Variants in COL3A1 observed in about 807,000 individuals in gnomAD.
COL3A1 encodes the protein collagen alpha-1(III) chain.
COL3A1 carries 46 observed loss-of-function variants against 200.9 expected under a neutral mutation model. That is an observed-to-expected ratio of 0.23 (90% CI 0.18 to 0.29). The LOEUF (loss-of-function observed/expected upper bound fraction) is 0.29. Ranked by LOEUF, COL3A1 falls within the 10% of genes least tolerant of loss-of-function variation. The pLI is 1.00. For missense variants in COL3A1, 1,367 were observed against 1,917.6 expected (o/e 0.71, Z 5.36); for synonymous variants, 650 against 628.0 (o/e 1.03, Z -0.52).
Position 189,011,657 on chromosome 2 carries a change from C to A in COL3A1, c.4284C>A (p.Val1428=), listed in dbSNP as rs746436515. 1.9e-6 allele frequency: 3 copies of A among 1,613,878 alleles called. No homozygotes were observed. Among genetic ancestry groups the A allele is most frequent in the Non-Finnish European group, 2.5e-6 (3 of 1,179,914 alleles). The part of the protein sequence containing the change: ...TKHTGEWSKT[V]FEYRTRKAVR... ...ACACTGGGGAATGGAGCAAAACAGT[C>A]TTTGAATATCGAACACGCAAGGCTG... The change falls in exon 51 of 51, where the codon GTC becomes GTA. Residue 1428 remains valine (V), a synonymous_variant. Coordinates refer to ENST00000304636, the MANE Select transcript of COL3A1 (RefSeq NM_000090.4).
chr2:188,987,250 T>A, intron 5 of COL3A1, 111 bp downstream of exon 5: 1 of 872,046 alleles, frequency 1.1e-6, no homozygotes, highest in East Asian at 2.6e-5. Flanking sequence ...TTGTACAAAA[T>A]AGCTTACCCC....
chr2:188,999,227 G>A (rs1213947713), intron 29 of COL3A1, 58 bp from the exon 30 acceptor site: 8 of 1,456,976 alleles, frequency 5.5e-6, no homozygotes, highest in Non-Finnish European at 6.6e-6. Flanking sequence ...GCAAGTTAAG[G>A]TGCTTTGTTT....
At chr2:189,011,329 A>G (rs1462162300) in intron 50 of COL3A1, among the ~76,000 whole-genome samples, 2 of 152,228 alleles carry the variant, frequency 1.3e-5, no homozygotes, top group Non-Finnish European at 2.9e-5. Flanking sequence ...TCCTCTTTTT[A>G]ATAAACCATT....
chr2:189,005,230 T>C, intron 40 of COL3A1, 120 bp from the exon 41 acceptor site: 2 of 964,926 alleles, frequency 2.1e-6, no homozygotes, highest in Middle Eastern at 2.9e-4. Context: ...GTTTTAATTT[T>C]AAAATTCAAT....
intron 10 of COL3A1, 58 bp from the exon 11 acceptor site, chr2:188,990,946 A>C (rs1331038537): frequency 3.3e-6 from 5 of 1,536,044 alleles, no homozygotes; most frequent in African/African-American, 2.7e-5. Flanking sequence ...AAACTTTATC[A>C]ATCATTCTAG....
rs141587182 is a variant in COL3A1 at position 189,008,972 on chromosome 2, G to A, written c.3574G>A (p.Ala1192Thr). The change falls in exon 48 of 51, where the codon GCC (alanine) becomes ACC (threonine). Residue 1192 changes from alanine (A) to threonine (T), a missense_variant. Physicochemically the swap from Ala to Thr is moderately conservative, Grantham distance 58. Transcript: ENST00000304636. ...GQPGPPGPPG[A>T]PGPCCGGVGA... ...ACCAGGCCCTCCTGGACCTCCTGGTGCCCCTGGTCCTTGCTGTGGTGGTGT... is the reference window on the plus strand; with the variant it reads ...ACCAGGCCCTCCTGGACCTCCTGGTACCCCTGGTCCTTGCTGTGGTGGTGT... 9.9e-6 allele frequency: 16 copies of A among 1,614,028 alleles called. No homozygotes were observed. Among genetic ancestry groups the A allele is most frequent in the African/African-American group, 8.0e-5 (6 of 74,930 alleles).
In COL3A1 at chr2:188,994,136, T is replaced by C. The variant is rs898866178; in HGVS notation, c.1194+54T>C. On this transcript the variant is annotated intron_variant, in intron 17 of 50. Coordinates refer to ENST00000304636, the MANE Select transcript of COL3A1 (RefSeq NM_000090.4). This position sits in a 1 kb window ranked among gnomAD's most constrained non-coding sequence, Gnocchi z 4.5. The stretch of plus-strand genomic sequence containing the variant: ...CTCATCCACACATTACTGGCTTCTT[T>C]TGCATTTTGCATGACAATAGATTTG... 7 of 1,612,258 alleles carry C rather than the reference T, an allele frequency of 4.3e-6. No individual in the cohort carries two copies. In the South Asian group the frequency reaches 7.7e-5, roughly 18 times the overall value.
intron 13 of COL3A1, 102 bp from the exon 14 acceptor site, chr2:188,992,082 G>T: frequency 9.1e-7 from 1 of 1,095,782 alleles, no homozygotes. Context: ...TAATGTACTT[G>T]AAGAAAACTC....
intron 29 of COL3A1, 40 bp downstream of exon 29, chr2:188,998,758 A>G (rs370634284): frequency 3.8e-6 from 6 of 1,575,080 alleles, no homozygotes; most frequent in East Asian, 2.2e-5. Context: ...TCAGCAGGTT[A>G]TAGAGCAATT....
At chr2:188,996,324 A>G in intron 23 of COL3A1, 74 bp from the exon 24 acceptor site, 4 of 1,139,888 alleles carry the variant, frequency 3.5e-6, no homozygotes, top group Non-Finnish European at 5.2e-6. Context: ...ACACACACAC[A>G]CACATACTAT....
chr2:189,003,931 A>C lies in COL3A1; in HGVS notation c.2662-51A>C. 3.8e-6 allele frequency: 6 copies of C among 1,567,560 alleles called. No individual in the cohort carries two copies. The South Asian group carries it at 5.9e-5, about 15-fold the overall frequency. Reference sequence around the variant, plus strand: ...TTTGAAGTAAGTAAAAAAAGAAAGAAAAAATGCACTTTTTATTATAAATAT... The same window carrying C: ...TTTGAAGTAAGTAAAAAAAGAAAGACAAAATGCACTTTTTATTATAAATAT... On this transcript the variant is annotated intron_variant, in intron 38 of 50. Coordinates refer to ENST00000304636, the MANE Select transcript of COL3A1 (RefSeq NM_000090.4).
intron 23 of COL3A1, 89 bp from the exon 24 acceptor site, chr2:188,996,303 TATACAC>T (rs1688315031): frequency 6.6e-5 from 51 of 775,684 alleles, no homozygotes; most frequent in East Asian, 6.1e-4. Flanking sequence ...TATCTATATA[TATACAC>T]ACACACACAC....
chr2:188,979,442 C>A lies in COL3A1; in HGVS notation c.79+4874C>A, dbSNP rs1172790423. On this transcript the variant is annotated intron_variant, in intron 1 of 50. Transcript: ENST00000304636. ...ATATTTTTGCATTGGATGCAGAAGTCTTTTCTGTCTGGTACTATTGTTGTT... is the reference window on the plus strand; with the variant it reads ...ATATTTTTGCATTGGATGCAGAAGTATTTTCTGTCTGGTACTATTGTTGTT... Among the ~76,000 whole-genome samples, 3 of 151,864 alleles carry A rather than the reference C, an allele frequency of 2.0e-5. No individual in the cohort carries two copies. In the South Asian group the frequency reaches 6.2e-4, roughly 31 times the overall value.
At chr2:188,976,360 G>A (rs1687815379) in intron 1 of COL3A1, among the ~76,000 whole-genome samples, 1 of 151,926 alleles carries the variant, frequency 6.6e-6, no homozygotes, top group African/African-American at 2.4e-5. Flanking sequence ...CTCTTTAGAT[G>A]CAAAAAATAA....
intron 39 of COL3A1, 55 bp downstream of exon 39, chr2:189,004,198 T>C: frequency 6.2e-7 from 1 of 1,608,492 alleles, no homozygotes; most frequent in Non-Finnish European, 8.5e-7. Context: ...TTATCACAAA[T>C]CGATTAGAGA....
chr2:188,996,347 C>G, intron 23 of COL3A1, 51 bp from the exon 24 acceptor site: 1 of 1,404,228 alleles, frequency 7.1e-7, no homozygotes, highest in Non-Finnish European at 1.0e-6. Flanking sequence ...ATATAGCATG[C>G]TTTAATCTTC....
chr2:188,994,129 G>A lies in COL3A1; in HGVS notation c.1194+47G>A, dbSNP rs567413593. 2 of 1,612,470 alleles carry A rather than the reference G, an allele frequency of 1.2e-6. No individual in the cohort carries two copies. Among genetic ancestry groups the A allele is most frequent in the African/African-American group, 1.3e-5 (1 of 74,974 alleles). ...GCCTTATCTCATCCACACATTACTG[G>A]CTTCTTTTGCATTTTGCATGACAAT... On this transcript the variant is annotated intron_variant, in intron 17 of 50. Coordinates refer to ENST00000304636, the MANE Select transcript of COL3A1 (RefSeq NM_000090.4). This position sits in a 1 kb window ranked among gnomAD's most constrained non-coding sequence, Gnocchi z 4.5.
At chr2:189,004,417 G>C in intron 40 of COL3A1, 53 bp downstream of exon 40, 1 of 1,487,996 alleles carries the variant, frequency 6.7e-7, no homozygotes, top group Non-Finnish European at 9.2e-7. Flanking sequence ...AGCCTTCAGA[G>C]ATCACTTAAC....
In COL3A1 at chr2:188,985,703, T is replaced by A; in HGVS notation, c.372T>A (p.Gly124=). 6.2e-7 allele frequency: 1 copy of A among 1,611,186 alleles called. No homozygotes were observed. The highest frequency in any genetic ancestry group is 8.5e-7 in the Non-Finnish European group (1 of 1,178,818). ...PGIPGRNGDP[G]IPGQPGSPGS... ...TTCCTGGGAGAAATGGTGACCCTGG[T>A]ATTCCAGGACAACCAGGGTCCCCTG... Residue 124 remains glycine (G), a synonymous_variant, in exon 4 of 51, where the codon GGT becomes GGA. Coordinates refer to ENST00000304636, the MANE Select transcript of COL3A1 (RefSeq NM_000090.4).
Sources: gnomAD v4.1 joint callset for allele counts (sites outside exome capture counted in the v4.1 genomes callset) on GRCh38, gnomAD v4.1.1 for gene constraint, Gnocchi (gnomAD v3.1) non-coding constraint, MANE v1.5 for transcripts, NCBI Gene and HGNC (gene_info 2026-07-23, HGNC 2026-07-21) for gene names.